SYTL5: variants seen among roughly 807,000 people sequenced by gnomAD.
SYTL5 encodes synaptotagmin like 5, also known as synaptotagmin-like protein 5.
SYTL5 carries 34 observed loss-of-function variants against 55.9 expected under a neutral mutation model. That is an observed-to-expected ratio of 0.61 (90% confidence interval 0.46 to 0.81). SYTL5 has a LOEUF of 0.81. Among genes scored for constraint, SYTL5 ranks in the 30% least tolerant of loss-of-function variants. SYTL5 has a pLI of 0.00. For missense variants in SYTL5, 637 were observed against 546.7 expected (o/e 1.17, Z -1.65); for synonymous variants, 221 against 188.7 (o/e 1.17, Z -1.40).
intron 1 of SYTL5, among the ~76,000 whole-genome samples, chrX:38,008,420 A>G (rs1934065162): frequency 9.0e-6 from 1 of 111,194 alleles, no homozygotes; most frequent in East Asian, 2.8e-4. Context: ...GTTTCTCTAC[A>G]TCTTCCATCT....
chrX:37,954,081 A>G, the SYTL5 span, among the ~76,000 whole-genome samples: 5 of 111,334 alleles, frequency 4.5e-5, no homozygotes, highest in South Asian at 3.8e-4. Flanking sequence ...AAGAATGTAG[A>G]TTTGAAAAGG....
intron 13 of SYTL5, among the ~76,000 whole-genome samples, chrX:38,113,067 T>C (rs1395805132): frequency 1.8e-5 from 2 of 112,267 alleles, no homozygotes; most frequent in Non-Finnish European, 3.8e-5. Context: ...TTTATCTTTG[T>C]ATGGGTTAGA....
At chrX:38,089,749 C>G (rs1486817693) in intron 7 of SYTL5, among the ~76,000 whole-genome samples, 162 bp downstream of exon 7, 2 of 112,301 alleles carry the variant, frequency 1.8e-5, no homozygotes, top group Non-Finnish European at 3.8e-5. Flanking sequence ...CAGAAGGAGT[C>G]TGTCAAACAC....
At chrX:38,061,878 A>T (rs1935953515) in intron 3 of SYTL5, among the ~76,000 whole-genome samples, 1 of 112,291 alleles carries the variant, frequency 8.9e-6, no homozygotes, top group African/African-American at 3.2e-5. Flanking sequence ...AGTCATAATG[A>T]TCATTTTTTC....
Position 38,128,475 on chromosome X carries a change from A to G in SYTL5, c.*1745A>G, listed in dbSNP as rs1937723041. 8.9e-6 allele frequency: 1 copy of G among 111,770 alleles called. No homozygotes were observed. The highest frequency in any genetic ancestry group is 9.5e-5 in the Admixed American group (1 of 10,475). The allele number at this position is 111,770 out of a possible 1,213,427, so 9.2% of individuals were successfully genotyped here. On this transcript the variant is annotated 3_prime_UTR_variant, in exon 17 of 17. Transcript: ENST00000297875. ...GTTCATATAAAATCCTCGAAAGTTT[A>G]GAAACTAGGTTTTAGTAGTAACGGA... is the stretch of plus-strand genomic sequence containing the variant.
chrX:37,983,709 A>T, the SYTL5 span, among the ~76,000 whole-genome samples: 1 of 112,236 alleles, frequency 8.9e-6, no homozygotes, highest in Non-Finnish European at 1.9e-5. Context: ...AAGTGCACAC[A>T]CAACATTCTG....
rs1223556573 is a variant in SYTL5 at position 38,034,007 on chromosome X, A to C, written c.118A>C (p.Arg40=). ...YLKKVEDKRI[R]KLKNELLEAK... is the part of the protein sequence containing the mutation. ...GAAAAAAGTGGAGGACAAGAGAATA[A>C]GGTAGTATTCTTTTTATTTTTTCAG... The change falls in exon 2 of 17, where the codon AGG becomes CGG. Residue 40 remains arginine, a splice_region_variant and synonymous_variant. Coordinates refer to ENST00000297875, the MANE Select transcript of SYTL5 (RefSeq NM_138780.3). 1 of 1,093,302 alleles carries C rather than the reference A, an allele frequency of 9.1e-7. No homozygotes were observed. The highest frequency in any genetic ancestry group is 2.1e-5 in the South Asian group (1 of 48,360). The allele number at this position is 1,093,302 out of a possible 1,213,427, so 90.1% of individuals were successfully genotyped here.
intron 1 of SYTL5, among the ~76,000 whole-genome samples, chrX:38,032,802 T>A (rs73632431): frequency 0.018 from 2,022 of 110,837 alleles, 52 homozygotes; most frequent in African/African-American, 0.064. Context: ...ATCTCAAAGC[T>A]CACTACAGTC....
chrX:38,002,949 A>G (rs199751138), upstream of SYTL5, among the ~76,000 whole-genome samples: 10,457 of 111,309 alleles, frequency 0.094, 854 homozygotes, highest in African/African-American at 0.24. Context: ...GCCCATGCCT[A>G]TGTCCTGAAT....
chrX:38,103,092 G>T, intron 10 of SYTL5: 2 of 1,147,240 alleles, frequency 1.7e-6, no homozygotes, highest in Non-Finnish European at 2.3e-6. Flanking sequence ...CTCAGACACT[G>T]TGAGTTTTCA....
At chrX:38,068,981 T>G (rs1343932185) in intron 3 of SYTL5, among the ~76,000 whole-genome samples, 2 of 111,859 alleles carry the variant, frequency 1.8e-5, no homozygotes, top group African/African-American at 3.2e-5. Flanking sequence ...TTCATATACT[T>G]TTCACATGTC....
rs1025767418 is a variant in SYTL5, at chrX:38,128,070, A to G, written c.*1340A>G. On this transcript the variant is annotated 3_prime_UTR_variant, in exon 17 of 17. Transcript: ENST00000297875. ...ATGAAGAATTGGGGCCAACAGTTCA[A>G]TCTACCATACCTTCTCTCACCTGGA... The G allele has an allele frequency of 1.8e-5, 2 of 112,307 alleles. No homozygotes were observed. The highest frequency in any genetic ancestry group is 6.5e-5 in the African/African-American group (2 of 30,912). 9.3% of individuals were successfully genotyped at this position (112,307 alleles called of 1,213,427 possible).
At chrX:37,980,254 C>G in the SYTL5 span, among the ~76,000 whole-genome samples, 1 of 111,969 alleles carries the variant, frequency 8.9e-6, no homozygotes, top group Non-Finnish European at 1.9e-5. Flanking sequence ...GCACTAAATC[C>G]ATATGGTGGT....
the SYTL5 span, among the ~76,000 whole-genome samples, chrX:37,890,808 C>T: frequency 8.9e-6 from 1 of 111,860 alleles, no homozygotes; most frequent in Non-Finnish European, 1.9e-5. Flanking sequence ...TCAACATAAC[C>T]AATTATTAGG....
the SYTL5 span, among the ~76,000 whole-genome samples, chrX:37,930,777 C>A: frequency 8.9e-6 from 1 of 112,274 alleles, no homozygotes; most frequent in East Asian, 2.8e-4. Context: ...TCAGTTATCT[C>A]TCTCTACTAT....
chrX:38,094,425 G>T lies in SYTL5; in HGVS notation c.961+1G>T. 2 of 1,194,081 alleles carry T rather than the reference G, an allele frequency of 1.7e-6. No individual in the cohort carries two copies. The highest frequency in any genetic ancestry group is 2.3e-6 in the Non-Finnish European group (2 of 883,410). Reference sequence around the variant, plus strand: ...GTGTCTGGAACCTCTCTCTCCTCAGGTGGGTATTTACAATGTGCCTACTTT... The same window carrying T: ...GTGTCTGGAACCTCTCTCTCCTCAGTTGGGTATTTACAATGTGCCTACTTT... On this transcript the variant is annotated splice_donor_variant, in intron 8 of 16. Coordinates refer to ENST00000297875, the MANE Select transcript of SYTL5 (RefSeq NM_138780.3). LOFTEE classifies it high-confidence loss of function.
chrX:37,920,657 T>C, the SYTL5 span, among the ~76,000 whole-genome samples: 1 of 111,084 alleles, frequency 9.0e-6, no homozygotes, highest in Non-Finnish European at 1.9e-5. Context: ...TCTGAACTTC[T>C]ACCATGTTTA....
Position 38,126,841 on chromosome X carries a change from G to A in SYTL5, c.*111G>A. The stretch of plus-strand genomic sequence containing the variant: ...CTTCCCTGCCATTTCTCACCTGACA[G>A]TGTTGGGACATGAGGGGAGAGATGT... On this transcript the variant is annotated 3_prime_UTR_variant, in exon 17 of 17. Transcript: ENST00000297875. 6.1e-6 allele frequency: 5 copies of A among 819,216 alleles called. No individual in the cohort carries two copies. Among genetic ancestry groups the A allele is most frequent in the South Asian group, 2.7e-5 (1 of 36,732 alleles). 67.5% of individuals were successfully genotyped at this position (819,216 alleles called of 1,213,427 possible). A position where few individuals can be genotyped will look rare whatever the true frequency, so the allele number is the denominator to read the frequency against.
intron 2 of SYTL5, among the ~76,000 whole-genome samples, chrX:38,052,992 A>G (rs190065731): frequency 1.8e-5 from 2 of 112,382 alleles, no homozygotes; most frequent in East Asian, 5.6e-4. Context: ...CCACATCCAA[A>G]GCTAATTATG....
Sources: gnomAD v4.1 joint callset for allele counts (sites outside exome capture counted in the v4.1 genomes callset) on GRCh38, gnomAD v4.1.1 for gene constraint, MANE v1.5 for transcripts, NCBI Gene and HGNC (gene_info 2026-07-23, HGNC 2026-07-21) for gene names.